KAZN: variants seen among roughly 807,000 people sequenced by gnomAD.
KAZN encodes the protein kazrin.
In KAZN, 40 loss-of-function variants were observed where a neutral mutation model predicts 87.4. The observed-to-expected ratio is 0.46, with a 90% confidence interval of 0.36 to 0.60. KAZN has a LOEUF of 0.60. KAZN is among the 20% of genes least tolerant of loss of function. KAZN has a pLI of 0.00. For missense variants in KAZN, 898 were observed against 1,073.9 expected, an observed-to-expected ratio of 0.84 and a Z score of 2.29; for synonymous variants, 466 against 458.3, an observed-to-expected ratio of 1.02 and a Z score of -0.22.
At position 14,943,028 on chromosome 1, in the gene KAZN, GT is replaced by G. The variant is rs1195593125; in HGVS notation, c.227-17655del. On this transcript the variant is annotated intron_variant, in intron 1 of 14. Transcript: ENST00000376030. ...GTGTGGTGTGTGTGTGTGTGTGTGT[GT>G]GTGTGTGTGTGTGTGTGTGTGTTGG... is the stretch of plus-strand genomic sequence containing the variant. Among the ~76,000 whole-genome samples the G allele has an allele frequency of 2.3e-4, 32 of 141,014 alleles. 3 individuals carry two copies. Among genetic ancestry groups the G allele is most frequent in the African/African-American group, 8.1e-4 (27 of 33,522 alleles). The allele number at this position is 141,014 out of a possible 152,430, so 92.5% of individuals were successfully genotyped here.
chr1:13,916,506 A>G (rs978824237), intron 1 of KAZN, among the ~76,000 whole-genome samples: 1 of 152,150 alleles, frequency 6.6e-6, no homozygotes, highest in Non-Finnish European at 1.5e-5. Context: ...CCCATTCAGC[A>G]TCCCTACGTG....
At chr1:14,633,477 G>C (rs1425386894) in intron 1 of KAZN, among the ~76,000 whole-genome samples, 1 of 152,148 alleles carries the variant, frequency 6.6e-6, no homozygotes, top group Non-Finnish European at 1.5e-5. Flanking sequence ...AGCCGGGAAA[G>C]GCAAGGAACT....
rs975515519 is a variant in KAZN at position 14,820,073 on chromosome 1, A to C, written c.227-140611A>C. 3.3e-5 allele frequency among the ~76,000 whole-genome samples: 5 copies of C among 152,134 alleles called. No homozygotes were observed. The highest frequency in any genetic ancestry group is 9.7e-5 in the African/African-American group (4 of 41,428). On this transcript the variant is annotated intron_variant, in intron 1 of 14. Transcript: ENST00000376030. This position sits in a 1 kb window ranked among gnomAD's most constrained non-coding sequence, Gnocchi z 4.1. ...CCTCTATCTAATCTAGTGGTTCTCC[A>C]ACTTTAATGTGCTCAGGAATCACCT... is the stretch of plus-strand genomic sequence containing the variant.
intron 1 of KAZN, among the ~76,000 whole-genome samples, chr1:14,907,077 G>A (rs566024935): frequency 6.6e-6 from 1 of 151,762 alleles, no homozygotes; most frequent in East Asian, 1.9e-4. Context: ...AGAAGTGCAA[G>A]TGCACTTCTA....
chr1:14,780,505 C>T (rs575711645), intron 1 of KAZN, among the ~76,000 whole-genome samples: 1 of 152,330 alleles, frequency 6.6e-6, no homozygotes, highest in African/African-American at 2.4e-5. Context: ...AGTTGCATAA[C>T]ATGTGGGAGC....
At chr1:14,415,643 G>A (rs1362157485) in intron 2 of KAZN, among the ~76,000 whole-genome samples, 3 of 152,154 alleles carry the variant, frequency 2.0e-5, no homozygotes, top group South Asian at 2.1e-4. Context: ...CAGCTCCCTC[G>A]CCTCTGGACT....
chr1:14,403,954 TG>T lies in KAZN; in HGVS notation c.250-195026del, dbSNP rs1483821769. Among the ~76,000 whole-genome samples the T allele has an allele frequency of 5.3e-5, 8 of 151,778 alleles. No individual in the cohort carries two copies. In the South Asian group the frequency reaches 1.3e-3, roughly 24 times the overall value. On this transcript the variant is annotated intron_variant, in intron 2 of 16. Coordinates refer to the KAZN transcript ENST00000636203. ...CTGCGCAGAGAGGTCCCGGAGAAAATGGGTTGCCGCTTCTGCAGTGAAATGC... is the reference window on the plus strand; with the variant it reads ...CTGCGCAGAGAGGTCCCGGAGAAAATGGTTGCCGCTTCTGCAGTGAAATGC...
chr1:14,670,302 G>T (rs1477704201), intron 1 of KAZN, among the ~76,000 whole-genome samples: 2 of 152,200 alleles, frequency 1.3e-5, no homozygotes, highest in Non-Finnish European at 2.9e-5. Flanking sequence ...AAAGGCAGGG[G>T]TATTCAAGCC....
At chr1:14,306,286 G>C (rs945913620) in intron 2 of KAZN, among the ~76,000 whole-genome samples, 1 of 152,192 alleles carries the variant, frequency 6.6e-6, no homozygotes, top group Non-Finnish European at 1.5e-5. Flanking sequence ...CTCTGAAAGG[G>C]TATTTGGTAA....
At chr1:15,101,164 T>TCTCTCTCTCTC (rs1553190085) in intron 10 of KAZN, among the ~76,000 whole-genome samples, 3 of 127,768 alleles carry the variant, frequency 2.3e-5, no homozygotes, top group African/African-American at 8.4e-5. Context: ...GTCTCGGTCT[T>TCTCTCTCTCTC]TCTCTCTCTC....
At chr1:14,713,775 C>CAAAAAAAAAAAAA (rs58947119) in intron 1 of KAZN, among the ~76,000 whole-genome samples, 6 of 94,632 alleles carry the variant, frequency 6.3e-5, no homozygotes, top group Non-Finnish European at 9.7e-5. Flanking sequence ...CTCATCTCTA[C>CAAAAAAAAAAAAA]AAAAAAAAAA....
Position 14,738,708 on chromosome 1 carries a change from G to C in KAZN, c.226+139485G>C, listed in dbSNP as rs145758617. Among the ~76,000 whole-genome samples, 814 of 152,182 alleles carry C rather than the reference G, an allele frequency of 5.3e-3. 5 individuals carry two copies. Among genetic ancestry groups the C allele is most frequent in the Middle Eastern group, 0.014 (4 of 294 alleles). On this transcript the variant is annotated intron_variant, in intron 1 of 14. Coordinates refer to ENST00000376030, the MANE Select transcript of KAZN (RefSeq NM_201628.3). ...TGTACAAGGTCCTTCACGTATGAAG[G>C]CTCATTCTTCCATCAAAGAGGTTTA...
chr1:14,016,462 GA>G (rs1212417644), intron 1 of KAZN, among the ~76,000 whole-genome samples: 2 of 152,140 alleles, frequency 1.3e-5, no homozygotes, highest in Non-Finnish European at 2.9e-5. Flanking sequence ...GAATCTGTGG[GA>G]TTCAGATCTC....
At chr1:14,186,312 A>G (rs1232805605) in intron 2 of KAZN, among the ~76,000 whole-genome samples, 2 of 152,110 alleles carry the variant, frequency 1.3e-5, no homozygotes, top group Non-Finnish European at 2.9e-5. Flanking sequence ...TCATGTAAGG[A>G]AGGTTGGGGT....
intron 4 of KAZN, among the ~76,000 whole-genome samples, chr1:15,047,156 T>C (rs149662005): frequency 1.3e-5 from 2 of 152,332 alleles, no homozygotes; most frequent in African/African-American, 4.8e-5. Context: ...ATGCAGTGTC[T>C]ACCCAGGGCT....
At chr1:14,297,118 C>T (rs190975762) in intron 2 of KAZN, among the ~76,000 whole-genome samples, 4 of 152,224 alleles carry the variant, frequency 2.6e-5, no homozygotes, top group Admixed American at 1.3e-4. Context: ...CCTGGGCTTA[C>T]ATAGAGGGGC....
At position 14,955,933 on chromosome 1, in the gene KAZN, A is replaced by T. The variant is rs938148797; in HGVS notation, c.227-4751A>T. Among the ~76,000 whole-genome samples, 3 of 152,338 alleles carry T rather than the reference A, an allele frequency of 2.0e-5. No individual in the cohort carries two copies. The East Asian group carries it at 5.8e-4, about 29-fold the overall frequency. ...TAGCACTGCTGGCATTAAACACAAG[A>T]TGCCCAGTTAAATTTAAATTTCAGA... On this transcript the variant is annotated intron_variant, in intron 1 of 14. Transcript: ENST00000376030.
At chr1:14,789,657 C>T (rs1482356169) in intron 1 of KAZN, among the ~76,000 whole-genome samples, 1 of 151,100 alleles carries the variant, frequency 6.6e-6, no homozygotes, top group Non-Finnish European at 1.5e-5. Flanking sequence ...TTTAGCACCT[C>T]CCTCCTGCCT....
intron 1 of KAZN, among the ~76,000 whole-genome samples, chr1:14,659,622 A>G (rs368971523): frequency 6.6e-5 from 10 of 152,320 alleles, no homozygotes; most frequent in African/African-American, 2.4e-4. Context: ...GGGAAAGTAA[A>G]ATTTTATGTT....
Sources: gnomAD v4.1 joint callset for allele counts (sites outside exome capture counted in the v4.1 genomes callset) on GRCh38, gnomAD v4.1.1 for gene constraint, Gnocchi (gnomAD v3.1) non-coding constraint, MANE v1.5 for transcripts, NCBI Gene and HGNC (gene_info 2026-07-23, HGNC 2026-07-21) for gene names.